The following TENM3 variants were observed in gnomAD, a reference collection of about 807,000 sequenced individuals.
TENM3 encodes the protein teneurin transmembrane protein 3.
A neutral mutation model predicts 255.1 loss-of-function variants in TENM3; 63 were observed. That is an observed-to-expected ratio of 0.25 (90% CI 0.20 to 0.30). TENM3 has a LOEUF of 0.30. TENM3 is among the 10% of genes least tolerant of loss of function. TENM3 has a pLI of 1.00. For synonymous variants in TENM3, 1,306 were observed against 1,322.3 expected (o/e 0.99, Z 0.27); for missense variants, 2,929 against 3,461.1 (o/e 0.85, Z 3.86).
intron 7 of TENM3, among the ~76,000 whole-genome samples, chr4:182,673,825 C>A (rs189497010): frequency 6.9e-4 from 105 of 152,282 alleles, no homozygotes; most frequent in African/African-American, 2.4e-3. Context: ...TCCTTAATAT[C>A]AAAGAACTTT....
At chr4:181,853,353 G>C in the TENM3 span, among the ~76,000 whole-genome samples, 2 of 152,100 alleles carry the variant, frequency 1.3e-5, no homozygotes, top group African/African-American at 4.8e-5. Context: ...CTTTTACGTT[G>C]CCAAACTAGA....
At chr4:182,181,936 T>A (rs1482623023) in intron 1 of TENM3, among the ~76,000 whole-genome samples, 2 of 151,978 alleles carry the variant, frequency 1.3e-5, no homozygotes, top group Admixed American at 6.6e-5. Flanking sequence ...TTTGAAAAAA[T>A]TCGATAGGTA....
At chr4:182,020,209 A>G in the TENM3 span, among the ~76,000 whole-genome samples, 2 of 151,908 alleles carry the variant, frequency 1.3e-5, no homozygotes, top group African/African-American at 2.4e-5. Context: ...TACTAAAAAT[A>G]CAAAAAATTA....
the TENM3 span, among the ~76,000 whole-genome samples, chr4:181,785,107 A>G: frequency 6.6e-6 from 1 of 152,256 alleles, no homozygotes; most frequent in Non-Finnish European, 1.5e-5. Flanking sequence ...TTAAGGGGAG[A>G]GTGAGTTCTG....
the TENM3 span, among the ~76,000 whole-genome samples, chr4:181,836,544 C>T: frequency 3.3e-5 from 5 of 152,096 alleles, no homozygotes; most frequent in East Asian, 9.7e-4. Context: ...AAAGTTCATC[C>T]TTTCCTCATT....
At chr4:182,498,945 T>C (rs1329146076) in intron 3 of TENM3, among the ~76,000 whole-genome samples, 1 of 152,188 alleles carries the variant, frequency 6.6e-6, no homozygotes, top group Admixed American at 6.5e-5. Context: ...AAAGCAGCAT[T>C]TGTGAAAAGT....
At chr4:182,179,089 G>A (rs530517391) in intron 1 of TENM3, among the ~76,000 whole-genome samples, 1 of 152,138 alleles carries the variant, frequency 6.6e-6, no homozygotes, top group African/African-American at 2.4e-5. Context: ...AAAATAAACC[G>A]TAAAAATTGC....
chr4:182,252,550 A>G (rs945193280), intron 1 of TENM3, among the ~76,000 whole-genome samples: 1 of 152,306 alleles, frequency 6.6e-6, no homozygotes, highest in Non-Finnish European at 1.5e-5. Flanking sequence ...GATTTTTTCC[A>G]CTCAGACTTT....
the TENM3 span, among the ~76,000 whole-genome samples, chr4:181,753,060 T>C: frequency 3.3e-5 from 5 of 152,254 alleles, no homozygotes; most frequent in South Asian, 1.0e-3. Flanking sequence ...TTAATAAGTG[T>C]CATTCTATTT....
At chr4:181,662,750 C>T in the TENM3 span, among the ~76,000 whole-genome samples, 1,298 of 152,320 alleles carry the variant, frequency 8.5e-3, 58 homozygotes, top group East Asian at 0.1. Flanking sequence ...TTATATTCTT[C>T]TCCTTGAAGT....
the TENM3 span, among the ~76,000 whole-genome samples, chr4:181,849,095 A>C: frequency 0.36 from 55,468 of 152,070 alleles, 11,018 homozygotes; most frequent in Admixed American, 0.5. Context: ...TTCACATTTC[A>C]GCTACAGTGA....
At chr4:182,006,531 T>G in the TENM3 span, among the ~76,000 whole-genome samples, 1 of 152,174 alleles carries the variant, frequency 6.6e-6, no homozygotes, top group East Asian at 1.9e-4. Flanking sequence ...TTTTTAGTAT[T>G]CTCTGATGGT....
chr4:182,717,778 A>G (rs1759324494), intron 13 of TENM3, among the ~76,000 whole-genome samples: 1 of 152,238 alleles, frequency 6.6e-6, no homozygotes. Flanking sequence ...CACATGGCTT[A>G]TAAATCTTTC....
chr4:181,916,266 C>A, the TENM3 span, among the ~76,000 whole-genome samples: 1 of 152,204 alleles, frequency 6.6e-6, no homozygotes, highest in Non-Finnish European at 1.5e-5. Flanking sequence ...TCAAGGCAAA[C>A]TGTCCTTTCT....
intron 3 of TENM3, among the ~76,000 whole-genome samples, chr4:182,595,353 C>T (rs1171822069): frequency 1.3e-5 from 2 of 152,094 alleles, no homozygotes; most frequent in African/African-American, 4.8e-5. Context: ...TAGCTCGTAG[C>T]ATTTTCCTGG....
At chr4:181,978,361 A>G in the TENM3 span, among the ~76,000 whole-genome samples, 1 of 152,112 alleles carries the variant, frequency 6.6e-6, no homozygotes. Context: ...TTAAAGAGCA[A>G]AAGGGGGCTG....
chr4:182,086,449 T>C, the TENM3 span, among the ~76,000 whole-genome samples: 1 of 152,352 alleles, frequency 6.6e-6, no homozygotes, highest in Admixed American at 6.5e-5. Context: ...TTGCCACGTG[T>C]ATCTGCTCTC....
chr4:181,988,233 G>A, the TENM3 span, among the ~76,000 whole-genome samples: 3 of 151,626 alleles, frequency 2.0e-5, no homozygotes, highest in East Asian at 5.8e-4. Flanking sequence ...ATTTTATTTT[G>A]CCTGTATCAT....
At chr4:182,180,217 T>C (rs2149735619) in intron 1 of TENM3, among the ~76,000 whole-genome samples, 1 of 152,352 alleles carries the variant, frequency 6.6e-6, no homozygotes, top group Non-Finnish European at 1.5e-5. Context: ...TTTTCATTCA[T>C]AACATTTTAA....
Sources: allele counts gnomAD v4.1 joint callset (sites outside exome capture counted in the v4.1 genomes callset), GRCh38; gene constraint gnomAD v4.1.1; transcripts MANE v1.5; gene names NCBI Gene and HGNC (gene_info 2026-07-23, HGNC 2026-07-21).